The following HELQ variants were observed in gnomAD, a reference collection of about 807,000 sequenced individuals.
The protein encoded by HELQ is helicase POLQ-like.
Under a neutral mutation model 111.6 loss-of-function variants are expected in HELQ, and 77 were observed. The observed-to-expected ratio is 0.69, with a 90% CI of 0.57 to 0.83. The LOEUF (loss-of-function observed/expected upper bound fraction) is 0.83, where lower values mean the gene tolerates loss of function less well. Ranked by LOEUF, HELQ falls within the 40% of genes least tolerant of loss-of-function variation. HELQ has a pLI of 0.00. For missense variants in HELQ, 1,200 were observed against 1,288.5 expected (o/e 0.93, Z 1.05); for synonymous variants, 438 against 454.7 (o/e 0.96, Z 0.47).
intron 2 of HELQ, among the ~76,000 whole-genome samples, chr4:83,450,120 G>A (rs1224111543): frequency 1.4e-5 from 2 of 148,136 alleles, no homozygotes; most frequent in African/African-American, 4.9e-5. Context: ...GGTGGTGGGG[G>A]TAAAGGCCGA....
chr4:83,452,974 T>A, intron 2 of HELQ, among the ~76,000 whole-genome samples: 1 of 152,028 alleles, frequency 6.6e-6, no homozygotes, highest in African/African-American at 2.4e-5. Context: ...TTCTTATAGA[T>A]GAGGAATTAG....
rs767329429 is a variant in HELQ, at chr4:83,448,954, T to C, written c.1020A>G (p.Gln340=). 6 of 1,564,636 alleles carry C rather than the reference T, an allele frequency of 3.8e-6. 1 individual carries two copies. The change falls in exon 3 of 18, where the codon CAA becomes CAG. Residue 340 remains glutamine, a synonymous_variant. Coordinates refer to ENST00000295488, the MANE Select transcript of HELQ (RefSeq NM_133636.5). The stretch of plus-strand genomic sequence containing the variant: ...CAGAATTCAATGTTAAACAAGTATG[T>C]TGCCATTCTGTGGAATTAAAAAAAA... ...FKGIEKLYEW[Q]HTCLTLNSVQ...
intron 12 of HELQ, 24 bp from the exon 13 acceptor site, chr4:83,427,744 A>C (rs751505449): frequency 1.4e-6 from 2 of 1,430,806 alleles, no homozygotes; most frequent in African/African-American, 1.5e-5. Context: ...ACAAATATTC[A>C]ATCTTTCACA....
chr4:83,429,908 A>C (rs1474658402), intron 11 of HELQ, among the ~76,000 whole-genome samples, 162 bp from the exon 12 acceptor site: 1 of 152,198 alleles, frequency 6.6e-6, no homozygotes, highest in East Asian at 1.9e-4. Flanking sequence ...AATGGCAATT[A>C]AAAATTAACA....
At chr4:83,441,228 C>T (rs535314867) in intron 7 of HELQ, 77 bp downstream of exon 7, 13 of 787,630 alleles carry the variant, frequency 1.7e-5, no homozygotes, top group East Asian at 5.1e-5. Context: ...GACTATTCTA[C>T]GGAATCCATT....
intron 12 of HELQ, 52 bp from the exon 13 acceptor site, chr4:83,427,772 G>T: frequency 7.7e-7 from 1 of 1,291,310 alleles, no homozygotes; most frequent in Non-Finnish European, 1.0e-6. Context: ...GAGGGGCAAA[G>T]AGATGGCTTT....
chr4:83,446,701 C>A (rs1333576402), intron 4 of HELQ, 134 bp downstream of exon 4: 2 of 585,458 alleles, frequency 3.4e-6, no homozygotes, highest in Non-Finnish European at 5.8e-6. Context: ...ATGTCTTCAC[C>A]TATATTGTCT....
chr4:83,438,092 A>T (rs1720557938), intron 8 of HELQ, among the ~76,000 whole-genome samples: 1 of 152,214 alleles, frequency 6.6e-6, no homozygotes, highest in African/African-American at 2.4e-5. Context: ...TCTTATTCCA[A>T]ACATTTTTAT....
At chr4:83,450,364 TA>T (rs985768793) in intron 2 of HELQ, among the ~76,000 whole-genome samples, 175 of 140,018 alleles carry the variant, frequency 1.2e-3, no homozygotes, top group Non-Finnish European at 1.0e-3. Context: ...CCATCTCTAT[TA>T]AAAAAAAAAA....
chr4:83,453,584 T>C lies in HELQ; in HGVS notation c.659A>G (p.Glu220Gly). 1 of 1,612,924 alleles carries C rather than the reference T, an allele frequency of 6.2e-7. No individual in the cohort carries two copies. The highest frequency in any genetic ancestry group is 8.5e-7 in the Non-Finnish European group (1 of 1,179,056). ...SNDLGDHSMK[E>G]RDWKSSSHNT... ...GTGAGAGGATGACTTCCAATCCCTT[T>C]CTTTCATAGAATGATCACCCAAATC... The change falls in exon 2 of 18, where the codon GAA becomes GGA. Residue 220 changes from glutamate to glycine, a missense_variant. By Grantham distance (98) the Glu-to-Gly change is moderately conservative. Coordinates refer to ENST00000295488, the MANE Select transcript of HELQ (RefSeq NM_133636.5).
At chr4:83,433,353 A>G (rs1242477870) in intron 9 of HELQ, among the ~76,000 whole-genome samples, 7 of 152,158 alleles carry the variant, frequency 4.6e-5, no homozygotes, top group Non-Finnish European at 7.4e-5. Context: ...AATTCCAAAG[A>G]GTATTATATC....
rs139959341 is a variant in HELQ, at chr4:83,410,093, C to T, written c.3199-2533G>A. 6.5e-3 allele frequency among the ~76,000 whole-genome samples: 995 copies of T among 152,024 alleles called. 5 individuals are homozygous for T. The highest frequency in any genetic ancestry group is 0.02 in the Middle Eastern group (6 of 294). On this transcript the variant is annotated intron_variant, in intron 17 of 17. Transcript: ENST00000295488. ...CAGTGAGACCAAGCCTCTACAACAA[C>T]AACAAAAAATTAGCCAGGAATGGTG... is the stretch of plus-strand genomic sequence containing the variant.
intron 16 of HELQ, among the ~76,000 whole-genome samples, chr4:83,417,206 CT>C (rs1176553232): frequency 1.5e-3 from 210 of 139,750 alleles, no homozygotes; most frequent in Admixed American, 3.1e-3. Flanking sequence ...CTTTTCTTTT[CT>C]TTTTTTTTTT....
At chr4:83,418,317 T>G in intron 15 of HELQ, 111 bp from the exon 16 acceptor site, 1 of 537,464 alleles carries the variant, frequency 1.9e-6, no homozygotes, top group Non-Finnish European at 3.3e-6. Context: ...TTCTGGAACT[T>G]GAGTTAAGCC....
intron 15 of HELQ, among the ~76,000 whole-genome samples, chr4:83,420,376 G>C (rs1171088069): frequency 6.6e-6 from 1 of 152,206 alleles, no homozygotes; most frequent in East Asian, 1.9e-4. Context: ...GCTCATGCCT[G>C]TAATCCCAGC....
At chr4:83,408,249 C>A (rs373324710) in intron 17 of HELQ, among the ~76,000 whole-genome samples, 40 of 152,146 alleles carry the variant, frequency 2.6e-4, no homozygotes, top group East Asian at 1.4e-3. Context: ...CCGCTCCCCC[C>A]CACCCGCCTT....
In HELQ at chr4:83,453,861, G is replaced by C. The variant is rs931768411; in HGVS notation, c.382C>G (p.Gln128Glu). The stretch of plus-strand genomic sequence containing the variant: ...TGTTCAGGGAGTTGCATATATTTTT[G>C]TTCCAGGTCGTCAACTTGAGCTATA... ...SFIAQVDDLE[Q>E]KYMQLPEHKK... The change falls in exon 2 of 18, where the codon CAA becomes GAA. Residue 128 changes from glutamine to glutamate, a missense_variant. Gln to Glu is a conservative substitution (Grantham distance 29). Transcript: ENST00000295488. 11 of 1,613,816 alleles carry C rather than the reference G, an allele frequency of 6.8e-6. No individual in the cohort carries two copies. The African/African-American group carries it at 1.5e-4, about 22-fold the overall frequency.
At chr4:83,452,601 G>C (rs1475965231) in intron 2 of HELQ, among the ~76,000 whole-genome samples, 3 of 152,194 alleles carry the variant, frequency 2.0e-5, no homozygotes, top group African/African-American at 4.8e-5. Context: ...AGAGAAGACA[G>C]AGCCAGCCAA....
chr4:83,418,142 C>T lies in HELQ; in HGVS notation c.3014G>A (p.Cys1005Tyr). 1.2e-6 allele frequency: 2 copies of T among 1,610,894 alleles called. No homozygotes were observed. The highest frequency in any genetic ancestry group is 1.7e-6 in the Non-Finnish European group (2 of 1,178,336). Residue 1005 changes from cysteine (C) to tyrosine (Y), a missense_variant, in exon 16 of 18, where the codon TGT (cysteine) becomes TAT (tyrosine). Cys to Tyr is a radical substitution (Grantham distance 194). Transcript: ENST00000295488. ...GAGAGGGATTAATTCTGCCTTTACACAGTAAGTCAGCTTCTTGGTAAGTTC... is the reference window on the plus strand; with the variant it reads ...GAGAGGGATTAATTCTGCCTTTACATAGTAAGTCAGCTTCTTGGTAAGTTC... Reference protein sequence around the residue: ...LVELTKKLTYCVKAELIPLME... With the variant: ...LVELTKKLTYYVKAELIPLME...
Sources: allele counts gnomAD v4.1 joint callset (sites outside exome capture counted in the v4.1 genomes callset), GRCh38; gene constraint gnomAD v4.1.1; transcripts MANE v1.5; gene names NCBI Gene and HGNC (gene_info 2026-07-23, HGNC 2026-07-21).